ZBTB20: variants seen among roughly 807,000 people sequenced by gnomAD.
ZBTB20 encodes zinc finger and BTB domain-containing protein 20.
A neutral mutation model predicts 56.9 loss-of-function variants in ZBTB20; 9 were observed. The ratio of observed to expected loss-of-function variants is 0.16; its 90% CI spans 0.10 to 0.28. ZBTB20 has a LOEUF of 0.28. ZBTB20 is among the 10% of genes least tolerant of loss of function. ZBTB20 has a pLI of 1.00. For synonymous variants in ZBTB20, 417 were observed against 420.7 expected (o/e 0.99, Z 0.11); for missense variants, 655 against 1,003.0 (o/e 0.65, Z 4.69).
intron 11 of ZBTB20, among the ~76,000 whole-genome samples, chr3:114,348,603 T>G (rs1273822040): frequency 6.6e-6 from 1 of 152,210 alleles, no homozygotes; most frequent in African/African-American, 2.4e-5. Flanking sequence ...AAACTGATTC[T>G]CATAAAAGTA....
At chr3:114,827,878 T>A (rs1391247483) in intron 4 of ZBTB20, among the ~76,000 whole-genome samples, 1 of 151,664 alleles carries the variant, frequency 6.6e-6, no homozygotes, top group South Asian at 2.1e-4. Flanking sequence ...TGGGCCTGGT[T>A]TTTTATTTTC....
At chr3:114,776,829 G>C (rs2069639681) in intron 5 of ZBTB20, among the ~76,000 whole-genome samples, 2 of 152,074 alleles carry the variant, frequency 1.3e-5, no homozygotes, top group African/African-American at 4.8e-5. Flanking sequence ...CAGCAAGTAG[G>C]GAACTAAAAC....
intron 6 of ZBTB20, among the ~76,000 whole-genome samples, chr3:114,619,698 A>T (rs2058186301): frequency 6.6e-6 from 1 of 152,208 alleles, no homozygotes; most frequent in African/African-American, 2.4e-5. Flanking sequence ...AACAGCACTA[A>T]GTGATTCCAC....
chr3:114,320,660 A>G lies in ZBTB20; in HGVS notation c.*18345T>C, dbSNP rs1430796584. On this transcript the variant is annotated 3_prime_UTR_variant, in exon 12 of 12. Coordinates refer to ENST00000675478, the MANE Select transcript of ZBTB20 (RefSeq NM_001348800.3). ...CTAGTTCTTTATATCTTTAAAATGAACAAATTTGTTTTTATATTTTTGGTC... is the reference window on the plus strand; with the variant it reads ...CTAGTTCTTTATATCTTTAAAATGAGCAAATTTGTTTTTATATTTTTGGTC... The G allele has an allele frequency of 6.6e-6, 1 of 152,176 alleles. No homozygotes were observed. Among genetic ancestry groups the G allele is most frequent in the African/African-American group, 2.4e-5 (1 of 41,454 alleles). The allele number at this position is 152,176 out of a possible 1,614,324, so 9.4% of individuals were successfully genotyped here. A position where few individuals can be genotyped will look rare whatever the true frequency, so the allele number is the denominator to read the frequency against.
intron 5 of ZBTB20, among the ~76,000 whole-genome samples, chr3:114,755,108 G>C (rs1229730429): frequency 2.0e-5 from 3 of 152,130 alleles, no homozygotes; most frequent in Non-Finnish European, 4.4e-5. Context: ...AGGTGCTCTA[G>C]ATAATCCTGA....
At chr3:114,769,310 G>A (rs1307927655) in intron 5 of ZBTB20, among the ~76,000 whole-genome samples, 5 of 151,596 alleles carry the variant, frequency 3.3e-5, no homozygotes, top group African/African-American at 1.2e-4. Context: ...CAAAATCATG[G>A]AGCCAACCCA....
At chr3:114,726,547 G>T (rs986037907) in intron 5 of ZBTB20, among the ~76,000 whole-genome samples, 1 of 152,132 alleles carries the variant, frequency 6.6e-6, no homozygotes, top group Non-Finnish European at 1.5e-5. Context: ...TGAGGCCTAA[G>T]AATCTGCATT....
At chr3:115,141,849 T>C (rs1203844575) in intron 1 of ZBTB20, among the ~76,000 whole-genome samples, 1 of 152,206 alleles carries the variant, frequency 6.6e-6, no homozygotes, top group Non-Finnish European at 1.5e-5. Context: ...CAAATATGAA[T>C]ATTAATAAAC....
At chr3:114,636,531 G>A (rs1386815180) in intron 6 of ZBTB20, among the ~76,000 whole-genome samples, 1 of 152,038 alleles carries the variant, frequency 6.6e-6, no homozygotes, top group Non-Finnish European at 1.5e-5. Flanking sequence ...CCAATAACAT[G>A]AAGTGTGTAT....
rs186330347 is a variant in ZBTB20 at position 114,777,117 on chromosome 3, G to T, written c.-343+23984C>A. Reference sequence around the variant, plus strand: ...TTATAAAAATAAAGATCCTCTATCTGCACTTGAGGTAACTTTCCTTTAGCT... The same window carrying T: ...TTATAAAAATAAAGATCCTCTATCTTCACTTGAGGTAACTTTCCTTTAGCT... On this transcript the variant is annotated intron_variant, in intron 5 of 11. Coordinates refer to ENST00000675478, the MANE Select transcript of ZBTB20 (RefSeq NM_001348800.3). Among the ~76,000 whole-genome samples the T allele has an allele frequency of 8.5e-5, 13 of 152,162 alleles. No individual in the cohort carries two copies. In the East Asian group the frequency reaches 2.3e-3, roughly 27 times the overall value.
At chr3:114,987,212 C>T (rs1253258148) in intron 2 of ZBTB20, among the ~76,000 whole-genome samples, 1 of 152,006 alleles carries the variant, frequency 6.6e-6, no homozygotes, top group Non-Finnish European at 1.5e-5. Flanking sequence ...ACTTGAGAAT[C>T]CCAGTAAAAG....
chr3:114,956,590 T>A (rs2077254979), intron 3 of ZBTB20, among the ~76,000 whole-genome samples: 1 of 152,158 alleles, frequency 6.6e-6, no homozygotes, highest in African/African-American at 2.4e-5. Flanking sequence ...TGAAGAAAAT[T>A]AAGGTATAAT....
At chr3:114,773,892 C>T (rs767786253) in intron 5 of ZBTB20, among the ~76,000 whole-genome samples, 3 of 152,156 alleles carry the variant, frequency 2.0e-5, no homozygotes, top group Non-Finnish European at 4.4e-5. Flanking sequence ...TATATGTCAT[C>T]ACCAAAGCTA....
chr3:114,604,180 A>G (rs2056972218), intron 6 of ZBTB20, among the ~76,000 whole-genome samples: 1 of 152,070 alleles, frequency 6.6e-6, no homozygotes, highest in Non-Finnish European at 1.5e-5. Context: ...TATATAATGG[A>G]ATACTGCAAA....
intron 6 of ZBTB20, among the ~76,000 whole-genome samples, chr3:114,523,235 C>T (rs527785718): frequency 3.3e-5 from 5 of 152,088 alleles, no homozygotes; most frequent in East Asian, 1.9e-4. Flanking sequence ...CAAAGACTGC[C>T]GAATGGTTAA....
chr3:114,991,750 T>C (rs911093105), intron 2 of ZBTB20, among the ~76,000 whole-genome samples: 9 of 152,144 alleles, frequency 5.9e-5, no homozygotes, highest in Non-Finnish European at 1.2e-4. Flanking sequence ...AGTCTCTTTG[T>C]AGGTCTCTAA....
Position 114,324,591 on chromosome 3 carries a change from A to C in ZBTB20, c.*14414T>G, listed in dbSNP as rs1351811760. ...TCAGAATGATCAATTGAAAATTGGT[A>C]CAAATAGCTCAGTGACACACTCACA... On this transcript the variant is annotated 3_prime_UTR_variant, in exon 12 of 12. Transcript: ENST00000675478. The C allele has an allele frequency of 1.3e-5, 2 of 152,172 alleles. No homozygotes were observed. Among genetic ancestry groups the C allele is most frequent in the East Asian group, 3.8e-4 (2 of 5,202 alleles). The allele number at this position is 152,172 out of a possible 1,614,324, so 9.4% of individuals were successfully genotyped here.
At chr3:114,868,769 AT>A (rs1576170429) in intron 4 of ZBTB20, among the ~76,000 whole-genome samples, 1 of 152,142 alleles carries the variant, frequency 6.6e-6, no homozygotes, top group Non-Finnish European at 1.5e-5. Flanking sequence ...CCTTCCAAGT[AT>A]TTTTTGTTCA....
At chr3:114,934,060 C>A (rs1048824356) in intron 3 of ZBTB20, among the ~76,000 whole-genome samples, 1 of 152,148 alleles carries the variant, frequency 6.6e-6, no homozygotes, top group Non-Finnish European at 1.5e-5. Flanking sequence ...CTCTGGAATA[C>A]CCCACCTTAG....
Sources: allele counts gnomAD v4.1 joint callset (sites outside exome capture counted in the v4.1 genomes callset), GRCh38; gene constraint gnomAD v4.1.1; transcripts MANE v1.5; gene names NCBI Gene and HGNC (gene_info 2026-07-23, HGNC 2026-07-21).